Variants in GIT2 observed in about 807,000 individuals in gnomAD.
GIT2 encodes ARF GTPase-activating protein GIT2.
In GIT2, 32 loss-of-function variants were observed where a neutral mutation model predicts 100.3. That is an observed-to-expected ratio of 0.32 (90% CI 0.24 to 0.43). GIT2 has a LOEUF of 0.43. Ranked by LOEUF, GIT2 falls within the 20% of genes least tolerant of loss-of-function variation. GIT2 has a pLI of 1.00. For missense variants in GIT2, 737 were observed against 975.1 expected (o/e 0.76, Z 3.25); for synonymous variants, 353 against 364.1 (o/e 0.97, Z 0.35).
intron 4 of GIT2, among the ~76,000 whole-genome samples, chr12:109,987,893 C>T (rs1305401788): frequency 6.6e-6 from 1 of 152,126 alleles, no homozygotes; most frequent in Non-Finnish European, 1.5e-5. Context: ...ATGCGAAGGC[C>T]CACATAAAGA....
At chr12:109,967,176 T>C (rs1025913375) in intron 8 of GIT2, 3 of 619,248 alleles carry the variant, frequency 4.8e-6, no homozygotes, top group Admixed American at 6.3e-5. Flanking sequence ...AATACAGAAG[T>C]ATTCTGTAAA....
At chr12:109,958,606 A>G (rs1880219465) in intron 12 of GIT2, among the ~76,000 whole-genome samples, 1 of 152,124 alleles carries the variant, frequency 6.6e-6, no homozygotes, top group Non-Finnish European at 1.5e-5. Flanking sequence ...AATTTAATAA[A>G]CCTTTTCAGA....
chr12:109,961,490 A>G lies in GIT2; in HGVS notation c.890-115T>C, dbSNP rs1017612030. ...CACACTCTGAAGCCAACACACGCAA[A>G]GGCAAACGTCGACACTCGCACCATC... is the stretch of plus-strand genomic sequence containing the variant. On this transcript the variant is annotated intron_variant, in intron 10 of 19. Coordinates refer to ENST00000355312, the MANE Select transcript of GIT2 (RefSeq NM_057169.5). 77 of 936,790 alleles carry G rather than the reference A, an allele frequency of 8.2e-5. No individual in the cohort carries two copies. The African/African-American group carries it at 9.5e-4, about 12-fold the overall frequency. The allele number at this position is 936,790 out of a possible 1,614,324, so 58.0% of individuals were successfully genotyped here. A position where few individuals can be genotyped will look rare whatever the true frequency, so the allele number is the denominator to read the frequency against.
Position 109,961,617 on chromosome 12 carries a change from A to C in GIT2, c.885T>G (p.Asp295Glu), listed in dbSNP as rs1308488512. 2 of 1,595,184 alleles carry C rather than the reference A, an allele frequency of 1.3e-6. No individual in the cohort carries two copies. The highest frequency in any genetic ancestry group is 8.6e-7 in the Non-Finnish European group (1 of 1,163,086). ...VYDEVDRRET[D>E]AVWLATQNHS... ...GATAAAGCCACGTCAAGTCACCTGC[A>C]TCCGTCTCTCGCCTGTCAACTTCAT... Residue 295 changes from aspartate (D) to glutamate (E), a missense_variant, in exon 10 of 20, where the codon GAT becomes GAG. Physicochemically the swap from Asp to Glu is conservative, Grantham distance 45 (BLOSUM62 2). This residue lies in a region of GIT2 where 266 missense variants were observed against 376.2 expected (regional missense o/e 0.71). Transcript: ENST00000355312.
At chr12:109,969,637 C>T (rs1470894307) in intron 7 of GIT2, among the ~76,000 whole-genome samples, 1 of 151,996 alleles carries the variant, frequency 6.6e-6, no homozygotes, top group Non-Finnish European at 1.5e-5. Flanking sequence ...GCCTCGACTT[C>T]CTGGGCTCAA....
upstream of GIT2, chr12:109,999,730 C>T (rs1889845273): frequency 1.3e-6 from 2 of 1,536,866 alleles, no homozygotes; most frequent in Admixed American, 2.0e-5. This position sits in a 1 kb window ranked among gnomAD's most constrained non-coding sequence, Gnocchi z 4.3. Context: ...ACCCCCTGCA[C>T]CTCCTAGTCT....
chr12:109,955,210 G>A lies in GIT2; in HGVS notation c.1100-1976C>T, dbSNP rs1224323493. ...GCGATCTTGGCTCACTGCAAACTCC[G>A]CCTCCCGGTTTCACGCCATTCTCCT... is the stretch of plus-strand genomic sequence containing the variant. On this transcript the variant is annotated intron_variant, in intron 12 of 19. Coordinates refer to ENST00000355312, the MANE Select transcript of GIT2 (RefSeq NM_057169.5). Among the ~76,000 whole-genome samples the A allele has an allele frequency of 2.6e-5, 4 of 151,840 alleles. No individual in the cohort carries two copies. In the East Asian group the frequency reaches 5.9e-4, roughly 22 times the overall value.
At chr12:109,967,346 A>C in intron 8 of GIT2, 112 bp downstream of exon 8, 1 of 1,593,954 alleles carries the variant, frequency 6.3e-7, no homozygotes, top group South Asian at 1.1e-5. Context: ...ATAGCCATAA[A>C]AGAGAAAAAT....
rs1314341036 is a variant in GIT2, at chr12:109,934,269, A to G, written c.2004-184T>C. On this transcript the variant is annotated intron_variant, in intron 18 of 19. Transcript: ENST00000355312. The surrounding 1 kb of genome is among the most constrained non-coding windows in gnomAD (Gnocchi z 4.5). ...AAAGCAGGACTCTCATTGCTTCCTAAAAGTTCAATCTGATGAAAAGTCTCC... is the reference window on the plus strand; with the variant it reads ...AAAGCAGGACTCTCATTGCTTCCTAGAAGTTCAATCTGATGAAAAGTCTCC... 2.0e-5 allele frequency: 12 copies of G among 587,796 alleles called. No homozygotes were observed. Among genetic ancestry groups the G allele is most frequent in the South Asian group, 6.2e-5 (3 of 48,758 alleles). The allele number at this position is 587,796 out of a possible 1,614,324, so 36.4% of individuals were successfully genotyped here.
chr12:109,948,184 C>T lies in GIT2; in HGVS notation c.1393-680G>A, dbSNP rs553003772. 9.3e-5 allele frequency: 91 copies of T among 981,880 alleles called. No individual in the cohort carries two copies. In the African/African-American group the frequency reaches 1.0e-3, roughly 11 times the overall value. The allele number at this position is 981,880 out of a possible 1,614,324, so 60.8% of individuals were successfully genotyped here. On this transcript the variant is annotated intron_variant, in intron 14 of 19. Coordinates refer to ENST00000355312, the MANE Select transcript of GIT2 (RefSeq NM_057169.5). The surrounding 1 kb of genome is among the most constrained non-coding windows in gnomAD (Gnocchi z 4.3). ...GTAAGTTTGCTATATTAACATATCA[C>T]GAAGAAAACTGGAAACCTATTGATC...
chr12:109,972,333 T>C (rs914769261), intron 7 of GIT2, among the ~76,000 whole-genome samples: 2 of 152,236 alleles, frequency 1.3e-5, no homozygotes, highest in Non-Finnish European at 2.9e-5. Context: ...CAAGGAAGTC[T>C]CATCTATTCC....
intron 7 of GIT2, among the ~76,000 whole-genome samples, chr12:109,980,044 G>T (rs151274221): frequency 6.6e-6 from 1 of 152,304 alleles, no homozygotes; most frequent in Non-Finnish European, 1.5e-5. Flanking sequence ...ATAATTGGGC[G>T]CGGCTTTCTT....
At chr12:109,985,616 G>A (rs148525281) in intron 4 of GIT2, among the ~76,000 whole-genome samples, 3,449 of 152,146 alleles carry the variant, frequency 0.023, 59 homozygotes, top group South Asian at 0.052. Flanking sequence ...TTGGGAGGCC[G>A]AGGCAGGCAG....
In GIT2 at chr12:109,959,862, G is replaced by A; in HGVS notation, c.1084C>T (p.Leu362Phe). The A allele has an allele frequency of 6.2e-7, 1 of 1,609,128 alleles. No homozygotes were observed. The highest frequency in any genetic ancestry group is 8.5e-7 in the Non-Finnish European group (1 of 1,175,466). Residue 362 changes from leucine (L) to phenylalanine (F), a missense_variant, in exon 12 of 20, where the codon CTC (leucine) becomes TTC (phenylalanine). By Grantham distance (22) the Leu-to-Phe change is conservative (BLOSUM62 0). Coordinates refer to ENST00000355312, the MANE Select transcript of GIT2 (RefSeq NM_057169.5). Reference protein sequence around the residue: ...DAKRRQQGSSLSGSKDNVELI... With the variant: ...DAKRRQQGSSFSGSKDNVELI... ...GAGCAGTTACCTTTTGAACCCGAGA[G>A]AGAACTGCCCTGCTGTCTCCTCTTG...
At chr12:109,937,838 G>A (rs1873482208) in intron 18 of GIT2, among the ~76,000 whole-genome samples, 1 of 152,202 alleles carries the variant, frequency 6.6e-6, no homozygotes, top group East Asian at 1.9e-4. Context: ...GAATAGCTGG[G>A]ACTACAGGCA....
At chr12:109,963,858 T>C (rs574642088) in intron 9 of GIT2, among the ~76,000 whole-genome samples, 1 of 152,306 alleles carries the variant, frequency 6.6e-6, no homozygotes, top group African/African-American at 2.4e-5. Flanking sequence ...CGGCAGCCCC[T>C]GCAGGATCCT....
At chr12:109,959,365 G>A (rs551468559) in intron 12 of GIT2, among the ~76,000 whole-genome samples, 15 of 152,254 alleles carry the variant, frequency 9.9e-5, no homozygotes, top group African/African-American at 3.6e-4. Flanking sequence ...ACCACGCCCG[G>A]CCAAGAAGAG....
At chr12:109,938,683 T>C in intron 17 of GIT2, 115 bp from the exon 18 acceptor site, 1 of 710,734 alleles carries the variant, frequency 1.4e-6, no homozygotes, top group Non-Finnish European at 2.3e-6. Context: ...GTCTCGTCAT[T>C]TCCTTTATCC....
chr12:109,963,262 G>T (rs543277506), intron 9 of GIT2, among the ~76,000 whole-genome samples: 1 of 152,128 alleles, frequency 6.6e-6, no homozygotes, highest in African/African-American at 2.4e-5. Context: ...AAATGTGGTC[G>T]CACTATAATT....
Sources: allele counts gnomAD v4.1 joint callset (sites outside exome capture counted in the v4.1 genomes callset), GRCh38; gene constraint gnomAD v4.1.1; regional missense constraint gnomAD v4.1.1; non-coding constraint Gnocchi (gnomAD v3.1); transcripts MANE v1.5; gene names NCBI Gene and HGNC (gene_info 2026-07-23, HGNC 2026-07-21).